AFAP1L1: variants seen among roughly 807,000 people sequenced by gnomAD.
AFAP1L1 encodes the protein actin filament-associated protein 1-like 1.
AFAP1L1 carries 77 observed loss-of-function variants against 99.8 expected under a neutral mutation model. The ratio of observed to expected loss-of-function variants is 0.77; its 90% confidence interval spans 0.64 to 0.93. AFAP1L1 has a LOEUF of 0.93. Among genes scored for constraint, AFAP1L1 ranks in the 40% least tolerant of loss-of-function variants. AFAP1L1 has a pLI of 0.00. For synonymous variants in AFAP1L1, 373 were observed against 395.3 expected, an observed-to-expected ratio of 0.94 and a Z score of 0.67; for missense variants, 893 against 996.8, an observed-to-expected ratio of 0.90 and a Z score of 1.40.
At chr5:149,299,297 C>A (rs947351425) in intron 1 of AFAP1L1, among the ~76,000 whole-genome samples, 1 of 152,280 alleles carries the variant, frequency 6.6e-6, no homozygotes, top group Non-Finnish European at 1.5e-5. Flanking sequence ...AGTGGGGAGA[C>A]CCGGAGAAAC....
intron 1 of AFAP1L1, among the ~76,000 whole-genome samples, chr5:149,288,424 T>C (rs1755749307): frequency 6.6e-6 from 1 of 152,172 alleles, no homozygotes; most frequent in South Asian, 2.1e-4. Context: ...GCAAAATGCT[T>C]AGCACAACAT....
chr5:149,328,313 T>C (rs1757150886), intron 15 of AFAP1L1, among the ~76,000 whole-genome samples: 1 of 151,866 alleles, frequency 6.6e-6, no homozygotes, highest in Non-Finnish European at 1.5e-5. Flanking sequence ...CGCCTCTGTA[T>C]AGCGCACAAA....
chr5:149,338,643 C>G (rs1331982573), intron 18 of AFAP1L1, among the ~76,000 whole-genome samples: 1 of 152,128 alleles, frequency 6.6e-6, no homozygotes. Context: ...TAACAGGGAA[C>G]CCAAAAAAGT....
At chr5:149,333,004 A>G in intron 17 of AFAP1L1, 131 bp downstream of exon 17, 5 of 1,257,716 alleles carry the variant, frequency 4.0e-6, no homozygotes, top group Non-Finnish European at 5.3e-6. Context: ...CTGAAGTCCA[A>G]AGAGGTGAAG....
At chr5:149,297,430 C>T (rs754904549) in intron 1 of AFAP1L1, among the ~76,000 whole-genome samples, 34 of 152,088 alleles carry the variant, frequency 2.2e-4, no homozygotes, top group Middle Eastern at 6.8e-3. Context: ...ACAGCCTCAG[C>T]GTCATCTTCT....
At chr5:149,305,672 C>T (rs1756383150) in intron 5 of AFAP1L1, among the ~76,000 whole-genome samples, 3 of 152,146 alleles carry the variant, frequency 2.0e-5, no homozygotes, top group African/African-American at 7.2e-5. Flanking sequence ...TGAAAATCTG[C>T]ACAGGTAGTT....
At chr5:149,280,847 C>T (rs1755495049) in intron 1 of AFAP1L1, among the ~76,000 whole-genome samples, 1 of 152,122 alleles carries the variant, frequency 6.6e-6, no homozygotes, top group Non-Finnish European at 1.5e-5. Flanking sequence ...ACCATGGACT[C>T]CCAGGTGATG....
At chr5:149,313,122 AT>A (rs148404039) in intron 9 of AFAP1L1, among the ~76,000 whole-genome samples, 6,643 of 150,958 alleles carry the variant, frequency 0.044, 425 homozygotes, top group African/African-American at 0.13. Context: ...GCAAAGCTTC[AT>A]TTAAAAAAAA....
At chr5:149,336,477 C>T (rs1019789404) in intron 18 of AFAP1L1, among the ~76,000 whole-genome samples, 44 of 152,300 alleles carry the variant, frequency 2.9e-4, no homozygotes, top group African/African-American at 1.0e-3. Context: ...TAACAGAATA[C>T]CTGAACCTGG....
intron 1 of AFAP1L1, among the ~76,000 whole-genome samples, chr5:149,274,964 T>G (rs985799570): frequency 6.6e-6 from 1 of 151,900 alleles, no homozygotes; most frequent in African/African-American, 2.4e-5. Context: ...TCTTCTGTCA[T>G]CAGGGAAGGC....
intron 1 of AFAP1L1, among the ~76,000 whole-genome samples, chr5:149,280,025 T>C (rs2127588870): frequency 6.6e-6 from 1 of 152,328 alleles, no homozygotes; most frequent in East Asian, 1.9e-4. Flanking sequence ...CCTAGTGTAA[T>C]GCTTGATGCA....
chr5:149,307,857 T>TCTCTCTCTCTCTCTCTCTCA (rs57582125), intron 7 of AFAP1L1, among the ~76,000 whole-genome samples: 1 of 147,530 alleles, frequency 6.8e-6, no homozygotes. Context: ...TCTCTCTCTC[T>TCTCTCTCTCTCTCTCTCTCA]TAAATTTAAA....
In AFAP1L1 at chr5:149,309,950, G is replaced by C; in HGVS notation, c.748-6G>C. ...AAGATCCTGATGTGTTTCTCTCCCT[G>C]TCCAGTGTTACAAAAGCTCCAAGGA... On this transcript the variant is annotated splice_polypyrimidine_tract_variant and splice_region_variant and intron_variant, in intron 7 of 18. Transcript: ENST00000296721. 6.2e-7 allele frequency: 1 copy of C among 1,614,162 alleles called. No individual in the cohort carries two copies. Among genetic ancestry groups the C allele is most frequent in the Non-Finnish European group, 8.5e-7 (1 of 1,180,016 alleles).
intron 4 of AFAP1L1, 54 bp from the exon 5 acceptor site, chr5:149,302,362 CCT>C (rs1327069292): frequency 4.5e-6 from 6 of 1,335,524 alleles, no homozygotes; most frequent in East Asian, 2.6e-5. Context: ...TCTCCCTCAG[CCT>C]CTCTCTCCCT....
chr5:149,288,842 G>A (rs1331798684), intron 1 of AFAP1L1, among the ~76,000 whole-genome samples: 1 of 152,170 alleles, frequency 6.6e-6, no homozygotes, highest in Non-Finnish European at 1.5e-5. Flanking sequence ...AGCCCTCCTG[G>A]TGGAGGACAA....
intron 1 of AFAP1L1, among the ~76,000 whole-genome samples, chr5:149,289,879 T>G (rs2127591490): frequency 6.6e-6 from 1 of 152,314 alleles, no homozygotes; most frequent in Non-Finnish European, 1.5e-5. Context: ...CCTCCAGTAT[T>G]CTCATTCTAG....
At chr5:149,333,089 T>G (rs1220329893) in intron 17 of AFAP1L1, among the ~76,000 whole-genome samples, 1 of 152,228 alleles carries the variant, frequency 6.6e-6, no homozygotes, top group Non-Finnish European at 1.5e-5. Context: ...TGTTCTTGTC[T>G]CCACAACAGC....
At chr5:149,315,143 G>A (rs893233966) in intron 9 of AFAP1L1, among the ~76,000 whole-genome samples, 30 of 152,246 alleles carry the variant, frequency 2.0e-4, no homozygotes, top group Middle Eastern at 6.8e-3. Context: ...TGAATGAATC[G>A]ATGAATGGTC....
rs761044831 is a variant in AFAP1L1, at chr5:149,320,429, G to A, written c.1664G>A (p.Arg555Gln). The A allele has an allele frequency of 1.4e-5, 22 of 1,614,046 alleles. No individual in the cohort carries two copies. Among genetic ancestry groups the A allele is most frequent in the South Asian group, 6.6e-5 (6 of 91,082 alleles). The stretch of plus-strand genomic sequence containing the variant: ...TGCCAGAATCAGTGGCCTGAGCCCC[G>A]AGTCTATGATGATGTTCCTTATGAA... Reference protein sequence around the residue: ...RSCQNQWPEPRVYDDVPYEKM... With the variant: ...RSCQNQWPEPQVYDDVPYEKM... Residue 555 changes from arginine (R) to glutamine (Q), a missense_variant, in exon 14 of 19, where the codon CGA (arginine) becomes CAA (glutamine). Transcript: ENST00000296721. The surrounding 1 kb of genome is among the most constrained non-coding windows in gnomAD (Gnocchi z 4.0).
Sources: gnomAD v4.1 joint callset for allele counts (sites outside exome capture counted in the v4.1 genomes callset) on GRCh38, gnomAD v4.1.1 for gene constraint, Gnocchi (gnomAD v3.1) non-coding constraint, MANE v1.5 for transcripts, NCBI Gene and HGNC (gene_info 2026-07-23, HGNC 2026-07-21) for gene names.